Variants in PCDH15 observed in about 807,000 individuals in gnomAD.
The protein encoded by PCDH15 is protocadherin related 15.
PCDH15 carries 129 observed loss-of-function variants against 178.5 expected under a neutral mutation model. The observed-to-expected ratio is 0.72, with a 90% CI of 0.63 to 0.84. The LOEUF is 0.84. Among genes scored for constraint, PCDH15 ranks in the 40% least tolerant of loss-of-function variants. The pLI is 0.00. For missense variants in PCDH15, 2,230 were observed against 2,099.9 expected (o/e 1.06, Z -1.21); for synonymous variants, 800 against 732.0 (o/e 1.09, Z -1.50).
At chr10:55,052,311 C>T (rs560305017) in intron 2 of PCDH15, among the ~76,000 whole-genome samples, 3 of 93,438 alleles carry the variant, frequency 3.2e-5, no homozygotes, top group East Asian at 6.9e-4. Context: ...AGGATGGTCG[C>T]GATCTCCTTA....
intron 2 of PCDH15, among the ~76,000 whole-genome samples, chr10:54,940,793 G>T (rs137982470): frequency 8.1e-6 from 1 of 124,104 alleles, no homozygotes; most frequent in Admixed American, 8.2e-5. Context: ...CTTTATCTGC[G>T]GTAATTAAAA....
intron 1 of PCDH15, among the ~76,000 whole-genome samples, chr10:54,751,658 T>C (rs1208478405): frequency 6.6e-6 from 1 of 152,158 alleles, no homozygotes; most frequent in Admixed American, 6.5e-5. Flanking sequence ...AAAAATCACT[T>C]CTTTGAATCC....
chr10:53,807,535 G>T (rs189199024), intron 37 of PCDH15, among the ~76,000 whole-genome samples: 2 of 151,992 alleles, frequency 1.3e-5, no homozygotes, highest in Non-Finnish European at 2.9e-5. Context: ...TCATATTAAC[G>T]CTTCTATTCC....
chr10:55,159,180 T>G (rs1838984057), intron 2 of PCDH15, among the ~76,000 whole-genome samples: 1 of 151,956 alleles, frequency 6.6e-6, no homozygotes, highest in South Asian at 2.1e-4. Context: ...CTCCTTCATA[T>G]TATAATGCAC....
chr10:54,284,341 CA>C (rs1171681422), intron 8 of PCDH15, among the ~76,000 whole-genome samples: 3 of 152,020 alleles, frequency 2.0e-5, no homozygotes, highest in African/African-American at 7.3e-5. Flanking sequence ...ATTGTTTTAC[CA>C]AATAGCAAAG....
At chr10:54,232,511 C>A (rs1032944034) in intron 9 of PCDH15, among the ~76,000 whole-genome samples, 1 of 152,190 alleles carries the variant, frequency 6.6e-6, no homozygotes, top group South Asian at 2.1e-4. Context: ...AGCATCTGAT[C>A]CAGAATTCTT....
chr10:54,236,991 G>A (rs2054699951), intron 8 of PCDH15, 60 bp from the exon 9 acceptor site: 20 of 1,360,778 alleles, frequency 1.5e-5, no homozygotes, highest in Non-Finnish European at 2.1e-5. Context: ...ATGAAGGATT[G>A]AGACAGATGC....
chr10:54,878,028 T>C (rs1480594549), intron 3 of PCDH15, among the ~76,000 whole-genome samples: 2 of 145,600 alleles, frequency 1.4e-5, no homozygotes, highest in Non-Finnish European at 3.0e-5. Flanking sequence ...AGTGGCATGA[T>C]CTCGGCTCAC....
intron 18 of PCDH15, among the ~76,000 whole-genome samples, chr10:54,027,945 T>C (rs1363061959): frequency 6.6e-6 from 1 of 151,254 alleles, no homozygotes; most frequent in East Asian, 1.9e-4. Flanking sequence ...ACAAATGGGA[T>C]CGAATTAAAC....
At chr10:54,238,658 G>A (rs1481460590) in intron 8 of PCDH15, among the ~76,000 whole-genome samples, 1 of 48,832 alleles carries the variant, frequency 2.0e-5, no homozygotes, top group Admixed American at 2.1e-4. Flanking sequence ...CTCCCATGCT[G>A]CCTCTCTCTC....
intron 8 of PCDH15, among the ~76,000 whole-genome samples, chr10:54,308,473 C>A (rs528814431): frequency 1.9e-4 from 29 of 151,902 alleles, no homozygotes; most frequent in African/African-American, 6.8e-4. Context: ...ATACCTGTTT[C>A]TTATTATTTA....
intron 8 of PCDH15, among the ~76,000 whole-genome samples, chr10:54,296,237 C>G (rs1005759579): frequency 6.6e-6 from 1 of 151,260 alleles, no homozygotes; most frequent in Non-Finnish European, 1.5e-5. Flanking sequence ...TCTCTTACAA[C>G]CCCTGACTCT....
At chr10:55,176,689 C>T (rs190185414) in intron 1 of PCDH15, among the ~76,000 whole-genome samples, 26 of 152,200 alleles carry the variant, frequency 1.7e-4, no homozygotes, top group Non-Finnish European at 2.8e-4. Flanking sequence ...CGTTGTGGTT[C>T]TAATTCATCT....
chr10:54,878,032 G>A lies in PCDH15; in HGVS notation c.-29+19418C>T, dbSNP rs548822576. Among the ~76,000 whole-genome samples the A allele has an allele frequency of 3.4e-4, 46 of 136,536 alleles. 1 individual carries two copies. The highest frequency in any genetic ancestry group is 8.9e-3 in the Middle Eastern group (2 of 224). The allele number at this position is 136,536 out of a possible 152,430, so 89.6% of individuals were successfully genotyped here. ...GGCTGGAGTGCAGTGGCATGATCTC[G>A]GCTCACTGCAACCTCTGCCTCCCAG... On this transcript the variant is annotated intron_variant, in intron 3 of 5. Transcript: ENST00000458638.
At chr10:54,795,818 C>A (rs1951893681) in intron 1 of PCDH15, among the ~76,000 whole-genome samples, 1 of 151,724 alleles carries the variant, frequency 6.6e-6, no homozygotes, top group African/African-American at 2.4e-5. Context: ...ATGCCTTGAC[C>A]TCTGATGACA....
At chr10:55,068,744 G>C (rs1206217221) in intron 2 of PCDH15, among the ~76,000 whole-genome samples, 1 of 150,672 alleles carries the variant, frequency 6.6e-6, no homozygotes, top group African/African-American at 2.4e-5. Flanking sequence ...CCATTTGTTT[G>C]TATTCTCTTC....
intron 1 of PCDH15, among the ~76,000 whole-genome samples, chr10:55,170,841 C>T (rs958865930): frequency 6.6e-6 from 1 of 151,886 alleles, no homozygotes; most frequent in African/African-American, 2.4e-5. Context: ...AAGATCGCAC[C>T]ATTGCACTCC....
chr10:54,360,569 G>A (rs1343164189), intron 5 of PCDH15, among the ~76,000 whole-genome samples: 1 of 151,944 alleles, frequency 6.6e-6, no homozygotes, highest in Non-Finnish European at 1.5e-5. Context: ...TTACCTTTTA[G>A]AGTTTTTTCA....
intron 3 of PCDH15, among the ~76,000 whole-genome samples, chr10:54,418,330 G>T (rs968385170): frequency 1.3e-5 from 2 of 151,858 alleles, no homozygotes; most frequent in African/African-American, 2.4e-5. Context: ...AAAAATAAAA[G>T]ACAAAAGTAA....
Sources: allele counts gnomAD v4.1 joint callset (sites outside exome capture counted in the v4.1 genomes callset), GRCh38; gene constraint gnomAD v4.1.1; transcripts MANE v1.5; gene names NCBI Gene and HGNC (gene_info 2026-07-23, HGNC 2026-07-21).